The following PCNX1 variants were observed in gnomAD, a reference collection of about 807,000 sequenced individuals.
PCNX1 encodes pecanex 1, also known as pecanex-like protein 1.
A neutral mutation model predicts 242.2 loss-of-function variants in PCNX1; 78 were observed. The ratio of observed to expected loss-of-function variants is 0.32; its 90% CI spans 0.27 to 0.39. The LOEUF (loss-of-function observed/expected upper bound fraction) is 0.39. PCNX1 is among the 10% of genes least tolerant of loss of function. PCNX1 has a pLI of 1.00. For missense variants in PCNX1, 2,581 were observed against 2,856.5 expected, an observed-to-expected ratio of 0.90 and a Z score of 2.20; for synonymous variants, 1,024 against 1,032.9, an observed-to-expected ratio of 0.99 and a Z score of 0.17.
intron 26 of PCNX1, among the ~76,000 whole-genome samples, chr14:71,068,719 ATATAATATAC>A (rs1159108002): frequency 3.0e-4 from 42 of 139,254 alleles, no homozygotes; most frequent in African/African-American, 1.0e-3. Context: ...ATGTATGTAT[ATATAATATAC>A]AAATAACATT....
rs149088637 is a variant in PCNX1 at position 70,976,807 on chromosome 14, G to A, written c.605-135G>A. The A allele has an allele frequency of 1.6e-3, 1,178 of 721,142 alleles. 10 individuals are homozygous for A. The African/African-American group carries it at 0.017, about 11-fold the overall frequency. 44.7% of individuals were successfully genotyped at this position (721,142 alleles called of 1,614,324 possible). ...TCTTTGTGCAGCTGTGAAACAGAAA[G>A]CAGCTCTTTGGAGAACTACTTGAGA... On this transcript the variant is annotated intron_variant, in intron 5 of 35. Transcript: ENST00000304743.
At chr14:71,068,677 GTTA>G (rs1428492960) in intron 26 of PCNX1, among the ~76,000 whole-genome samples, 3 of 116,244 alleles carry the variant, frequency 2.6e-5, no homozygotes, top group Non-Finnish European at 5.0e-5. Flanking sequence ...CAAAATTACA[GTTA>G]TTTTTTATGT....
chr14:71,084,711 C>A (rs2061940439), intron 28 of PCNX1, among the ~76,000 whole-genome samples: 1 of 152,204 alleles, frequency 6.6e-6, no homozygotes, highest in Admixed American at 6.5e-5. Context: ...CAAGCTTGAG[C>A]ATCCCAGGTC....
chr14:71,089,173 T>C lies in PCNX1; in HGVS notation c.5439-19T>C. 1 of 1,580,412 alleles carries C rather than the reference T, an allele frequency of 6.3e-7. No homozygotes were observed. Among genetic ancestry groups the C allele is most frequent in the East Asian group, 2.3e-5 (1 of 43,950 alleles). ...GACCTTTGTCAAAACATGTGAACTT[T>C]TATCTCCAATCTTAACAGTAATTTA... On this transcript the variant is annotated intron_variant, in intron 29 of 35. Coordinates refer to ENST00000304743, the MANE Select transcript of PCNX1 (RefSeq NM_014982.3).
intron 6 of PCNX1, among the ~76,000 whole-genome samples, chr14:70,983,495 G>C (rs2058905621): frequency 6.6e-6 from 1 of 152,082 alleles, no homozygotes; most frequent in African/African-American, 2.4e-5. Context: ...AGTAGAGATG[G>C]GGTTTCACCA....
intron 1 of PCNX1, among the ~76,000 whole-genome samples, chr14:70,914,799 C>T (rs1227840238): frequency 1.3e-5 from 2 of 152,226 alleles, no homozygotes; most frequent in Non-Finnish European, 1.5e-5. Context: ...TCAGCAGGTG[C>T]ATTGTCAGGT....
intron 19 of PCNX1, among the ~76,000 whole-genome samples, chr14:71,040,876 C>G (rs1315233504): frequency 6.6e-6 from 1 of 151,996 alleles, no homozygotes; most frequent in Non-Finnish European, 1.5e-5. Flanking sequence ...CTTCCACTTT[C>G]TATTTCCGTG....
At chr14:71,069,540 G>A (rs2061538915) in intron 26 of PCNX1, among the ~76,000 whole-genome samples, 1 of 152,096 alleles carries the variant, frequency 6.6e-6, no homozygotes, top group African/African-American at 2.4e-5. Flanking sequence ...TTGCATGTTG[G>A]GTTCAGACCA....
At chr14:71,101,923 A>C in intron 30 of PCNX1, 67 bp from the exon 31 acceptor site, 1 of 808,986 alleles carries the variant, frequency 1.2e-6, no homozygotes, top group South Asian at 2.2e-5. Context: ...ACTTTCACTT[A>C]GTAACTGTAG....
chr14:70,966,561 C>T (rs1429266624), intron 3 of PCNX1, among the ~76,000 whole-genome samples: 1 of 152,178 alleles, frequency 6.6e-6, no homozygotes, highest in Non-Finnish European at 1.5e-5. Context: ...CACGTTCATT[C>T]ACCAGAACTA....
chr14:71,094,246 G>A (rs2062213094), intron 30 of PCNX1, among the ~76,000 whole-genome samples: 6 of 152,122 alleles, frequency 3.9e-5, no homozygotes, highest in Admixed American at 3.9e-4. Flanking sequence ...GCAATAAAAA[G>A]AAACTGATAA....
intron 16 of PCNX1, among the ~76,000 whole-genome samples, chr14:71,032,486 A>G (rs1269259797): frequency 6.6e-6 from 1 of 152,108 alleles, no homozygotes; most frequent in Non-Finnish European, 1.5e-5. Flanking sequence ...GGGAAATACA[A>G]AGATCTAAGG....
intron 28 of PCNX1, among the ~76,000 whole-genome samples, chr14:71,082,625 C>T (rs1341692916): frequency 6.6e-6 from 1 of 151,924 alleles, no homozygotes; most frequent in Non-Finnish European, 1.5e-5. Context: ...CTTTTTTGAT[C>T]TTTGTTGGTT....
At chr14:71,101,285 A>C (rs2062454905) in intron 30 of PCNX1, among the ~76,000 whole-genome samples, 1 of 152,212 alleles carries the variant, frequency 6.6e-6, no homozygotes, top group Non-Finnish European at 1.5e-5. Flanking sequence ...TTATTTCAGT[A>C]TATGTCCTGT....
At position 71,102,099 on chromosome 14, in the gene PCNX1, G is replaced by T; in HGVS notation, c.5699G>T (p.Arg1900Leu). ...VIAHEGDPAW[R>L]SAVLANSPSL... ...GCCCATGAAGGGGACCCTGCATGGC[G>T]GAGTGCAGTACTTGCCAACTCTCCC... The change falls in exon 31 of 36, where the codon CGG (arginine) becomes CTG (leucine). Residue 1900 changes from arginine to leucine, a missense_variant. By Grantham distance (102) the Arg-to-Leu change is moderately radical (BLOSUM62 -2). Coordinates refer to ENST00000304743, the MANE Select transcript of PCNX1 (RefSeq NM_014982.3). The T allele has an allele frequency of 6.2e-7, 1 of 1,613,638 alleles. No individual in the cohort carries two copies.
In PCNX1 at chr14:70,948,811, CATTT is replaced by C. The variant is rs573723868; in HGVS notation, c.362+1693_362+1696del. On this transcript the variant is annotated intron_variant, in intron 2 of 35. Transcript: ENST00000304743. ...ATACTTATAAATGCTTATAAATCAG[CATTT>C]ATTTTTATTTACTCGTATAAATAAA... is the stretch of plus-strand genomic sequence containing the variant. Among the ~76,000 whole-genome samples the C allele has an allele frequency of 5.0e-3, 734 of 145,560 alleles. 6 individuals are homozygous for C. The highest frequency in any genetic ancestry group is 0.018 in the African/African-American group (695 of 39,632).
At chr14:71,070,530 C>G (rs1419757691) in intron 26 of PCNX1, among the ~76,000 whole-genome samples, 2 of 152,166 alleles carry the variant, frequency 1.3e-5, no homozygotes. Flanking sequence ...TCTTAGCAGG[C>G]AACACTAATG....
At chr14:71,079,911 A>G (rs2061809981) in intron 28 of PCNX1, among the ~76,000 whole-genome samples, 1 of 152,094 alleles carries the variant, frequency 6.6e-6, no homozygotes, top group Non-Finnish European at 1.5e-5. Context: ...TTTTGTTGCC[A>G]TTGCTTTTGG....
chr14:71,039,555 AC>A (rs1389234891), intron 19 of PCNX1, among the ~76,000 whole-genome samples: 4 of 152,152 alleles, frequency 2.6e-5, no homozygotes, highest in African/African-American at 9.7e-5. Context: ...ATGACATGCC[AC>A]CATTTCTTCC....
Sources: allele counts gnomAD v4.1 joint callset (sites outside exome capture counted in the v4.1 genomes callset), GRCh38; gene constraint gnomAD v4.1.1; transcripts MANE v1.5; gene names NCBI Gene and HGNC (gene_info 2026-07-23, HGNC 2026-07-21).